ULK4: variants seen among roughly 807,000 people sequenced by gnomAD.
ULK4 encodes inactive serine/threonine-protein kinase ULK4.
A neutral mutation model predicts 160.6 loss-of-function variants in ULK4; 133 were observed. The ratio of observed to expected loss-of-function variants is 0.83; its 90% CI spans 0.72 to 0.96. The LOEUF is 0.96. Ranked by LOEUF, ULK4 falls within the 40% of genes least tolerant of loss-of-function variation. The pLI, the probability that ULK4 is intolerant of heterozygous loss-of-function variation, is 0.00. For missense variants in ULK4, 1,580 were observed against 1,499.5 expected (o/e 1.05, Z -0.89); for synonymous variants, 534 against 539.8 (o/e 0.99, Z 0.15).
intron 32 of ULK4, among the ~76,000 whole-genome samples, chr3:41,522,120 CT>C (rs200391098): frequency 7.7e-6 from 1 of 130,432 alleles, no homozygotes; most frequent in East Asian, 2.0e-4. Context: ...AATGTTTTTT[CT>C]TTTTTTTCTT....
At position 41,402,388 on chromosome 3, in the gene ULK4, A is replaced by G. The variant is rs182819471; in HGVS notation, c.3493-4124T>C. Among the ~76,000 whole-genome samples, 355 of 152,272 alleles carry G rather than the reference A, an allele frequency of 2.3e-3. 1 individual carries two copies. The highest frequency in any genetic ancestry group is 4.3e-3 in the Non-Finnish European group (295 of 68,020). ...CACTACACTAGTTAGAACCTCCACT[A>G]AGATGTTAAATGAGATTAGTGTGAG... On this transcript the variant is annotated intron_variant, in intron 34 of 36. Coordinates refer to ENST00000301831, the MANE Select transcript of ULK4 (RefSeq NM_017886.4).
intron 36 of ULK4, among the ~76,000 whole-genome samples, chr3:41,247,249 C>T (rs1037173830): frequency 6.6e-6 from 1 of 152,190 alleles, no homozygotes; most frequent in Non-Finnish European, 1.5e-5. Context: ...GCCAGAAACA[C>T]TGCCAGTGAG....
rs1575432540 is a variant in ULK4 at position 41,323,670 on chromosome 3, A to G, written c.3679-74096T>C. 2.0e-5 allele frequency among the ~76,000 whole-genome samples: 3 copies of G among 151,428 alleles called. No individual in the cohort carries two copies. The South Asian group carries it at 6.3e-4, about 32-fold the overall frequency. On this transcript the variant is annotated intron_variant, in intron 35 of 36. Coordinates refer to ENST00000301831, the MANE Select transcript of ULK4 (RefSeq NM_017886.4). ...CACATAGCTTTGCCTTCTGCCCCCG[A>G]CCCCCCTCCCAGTGTCCTGTCCAAA...
intron 30 of ULK4, among the ~76,000 whole-genome samples, chr3:41,623,005 A>G (rs1382650714): frequency 6.6e-6 from 1 of 152,192 alleles, no homozygotes; most frequent in African/African-American, 2.4e-5. Flanking sequence ...GCAGTGGGCC[A>G]TGTTTAGGGG....
chr3:41,608,431 A>T (rs968891694), intron 31 of ULK4, among the ~76,000 whole-genome samples: 5 of 152,218 alleles, frequency 3.3e-5, no homozygotes, highest in Non-Finnish European at 2.9e-5. Flanking sequence ...GTTTCTGTTC[A>T]TGAATAAACT....
rs753394414 is a variant in ULK4, at chr3:41,789,827, G to C, written c.2027C>G (p.Thr676Ser). Residue 676 changes from threonine (T) to serine (S), a missense_variant, in exon 21 of 37, where the codon ACT becomes AGT. Coordinates refer to ENST00000301831, the MANE Select transcript of ULK4 (RefSeq NM_017886.4). ...CTGGAAGGCAGTAGGAGAATGGCGA[G>C]TGATTCTACACAAGGCCTACAAAGA... Reference protein sequence around the residue: ...ITAVSALCRITRHSPTAFQNV... With the variant: ...ITAVSALCRISRHSPTAFQNV... 1.2e-6 allele frequency: 2 copies of C among 1,610,764 alleles called. No individual in the cohort carries two copies. The highest frequency in any genetic ancestry group is 2.2e-5 in the South Asian group (2 of 90,486).
intron 32 of ULK4, among the ~76,000 whole-genome samples, chr3:41,550,062 G>A (rs2087004912): frequency 6.6e-6 from 1 of 152,016 alleles, no homozygotes; most frequent in South Asian, 2.1e-4. Context: ...AATGCTTAAA[G>A]GAATCCTACA....
At chr3:41,293,887 T>C (rs2079619685) in intron 35 of ULK4, among the ~76,000 whole-genome samples, 1 of 152,194 alleles carries the variant, frequency 6.6e-6, no homozygotes, top group Non-Finnish European at 1.5e-5. Context: ...TCATCTTGTG[T>C]CTTGAAGGAT....
intron 29 of ULK4, among the ~76,000 whole-genome samples, chr3:41,666,016 G>T (rs886231715): frequency 2.6e-5 from 4 of 152,210 alleles, no homozygotes; most frequent in Non-Finnish European, 4.4e-5. Flanking sequence ...GGAAAGACCA[G>T]GACAAGCTTC....
At chr3:41,571,051 G>C (rs1475204905) in intron 31 of ULK4, among the ~76,000 whole-genome samples, 1 of 152,166 alleles carries the variant, frequency 6.6e-6, no homozygotes, top group Non-Finnish European at 1.5e-5. Flanking sequence ...TTCTATTCTA[G>C]ACGTTATTAA....
chr3:41,892,924 G>A (rs1384499660), intron 16 of ULK4, among the ~76,000 whole-genome samples: 1 of 152,192 alleles, frequency 6.6e-6, no homozygotes, highest in Non-Finnish European at 1.5e-5. Context: ...CAGTTGAGGA[G>A]ACAAATTTGA....
intron 21 of ULK4, among the ~76,000 whole-genome samples, chr3:41,785,476 T>C (rs1278522073): frequency 6.6e-6 from 1 of 152,220 alleles, no homozygotes; most frequent in Non-Finnish European, 1.5e-5. Context: ...TTCTAAGTTT[T>C]CTGTAGCAAA....
chr3:41,774,166 G>A (rs1165578128), intron 21 of ULK4, among the ~76,000 whole-genome samples: 1 of 152,034 alleles, frequency 6.6e-6, no homozygotes, highest in Admixed American at 6.6e-5. Context: ...GCATGGGCAA[G>A]GACTTCATGT....
At chr3:41,250,170 C>G (rs1450793725) in intron 35 of ULK4, among the ~76,000 whole-genome samples, 2 of 152,170 alleles carry the variant, frequency 1.3e-5, no homozygotes, top group East Asian at 3.9e-4. Flanking sequence ...CTAGAATAGG[C>G]TCAGGTGGGG....
At chr3:41,388,065 T>G (rs895390010) in intron 35 of ULK4, among the ~76,000 whole-genome samples, 1 of 152,188 alleles carries the variant, frequency 6.6e-6, no homozygotes, top group Non-Finnish European at 1.5e-5. Context: ...TGATTGCCAT[T>G]CTAACTGGTG....
intron 35 of ULK4, among the ~76,000 whole-genome samples, chr3:41,356,795 T>C (rs2081038610): frequency 6.6e-6 from 1 of 152,112 alleles, no homozygotes; most frequent in South Asian, 2.1e-4. Flanking sequence ...GCCAGGTGTC[T>C]GGGGAGCAGC....
intron 27 of ULK4, among the ~76,000 whole-genome samples, chr3:41,703,979 G>A (rs954846486): frequency 5.9e-5 from 9 of 152,134 alleles, no homozygotes; most frequent in African/African-American, 1.4e-4. Flanking sequence ...CCATGAAGGT[G>A]TCAAAATCAA....
chr3:41,734,194 T>C (rs1030865394), intron 22 of ULK4, among the ~76,000 whole-genome samples: 1 of 152,084 alleles, frequency 6.6e-6, no homozygotes, highest in Non-Finnish European at 1.5e-5. Context: ...AGACGGAAAG[T>C]AGGTAAGCAG....
At chr3:41,405,980 T>C (rs1473729824) in intron 34 of ULK4, among the ~76,000 whole-genome samples, 1 of 152,170 alleles carries the variant, frequency 6.6e-6, no homozygotes, top group Admixed American at 6.5e-5. Flanking sequence ...AATCAGGTCC[T>C]GTCCATCAAT....
Sources: allele counts gnomAD v4.1 joint callset (sites outside exome capture counted in the v4.1 genomes callset), GRCh38; gene constraint gnomAD v4.1.1; transcripts MANE v1.5; gene names NCBI Gene and HGNC (gene_info 2026-07-23, HGNC 2026-07-21).